The following KCTD10 variants were observed in gnomAD, a reference collection of about 807,000 sequenced individuals.
The protein encoded by KCTD10 is BTB/POZ domain-containing adapter for CUL3-mediated RhoA degradation protein 3.
KCTD10 carries 13 observed loss-of-function variants against 34.6 expected under a neutral mutation model. That is an observed-to-expected ratio of 0.38 (90% CI 0.24 to 0.60). KCTD10 has a LOEUF of 0.60. KCTD10 is among the 20% of genes least tolerant of loss of function. The pLI, the probability that KCTD10 is intolerant of heterozygous loss-of-function variation, is 0.66. For missense variants in KCTD10, 256 were observed against 420.3 expected, an observed-to-expected ratio of 0.61 and a Z score of 3.42; for synonymous variants, 156 against 168.8, an observed-to-expected ratio of 0.92 and a Z score of 0.59.
rs1436600785 is a variant in KCTD10, at chr12:109,451,728, G to T, written c.809C>A (p.Ala270Glu). 3.7e-6 allele frequency: 6 copies of T among 1,614,018 alleles called. No homozygotes were observed. The highest frequency in any genetic ancestry group is 2.2e-5 in the East Asian group (1 of 44,890). ...EAQDGRGPDNALLEATGGAAG... is the reference protein window; with the variant it reads ...EAQDGRGPDNELLEATGGAAG... ...CGCCCCGCCTGTGGCCTCCAGGAGC[G>T]CATTGTCAGGTCCCCGGCCATCCTG... is the stretch of plus-strand genomic sequence containing the variant. The change falls in exon 7 of 7, where the codon GCG (alanine) becomes GAG (glutamate). Residue 270 changes from alanine to glutamate, a missense_variant. Physicochemically the swap from Ala to Glu is moderately radical, Grantham distance 107. This residue lies in a region of KCTD10 where 60 missense variants were observed against 89.0 expected (regional missense o/e 0.67). Coordinates refer to ENST00000228495, the MANE Select transcript of KCTD10 (RefSeq NM_031954.5). This position sits in a 1 kb window ranked among gnomAD's most constrained non-coding sequence, Gnocchi z 5.0.
chr12:109,464,111 C>T (rs12818120), intron 2 of KCTD10, among the ~76,000 whole-genome samples: 25,780 of 152,184 alleles, frequency 0.17, 2,246 homozygotes, highest in African/African-American at 0.18. Context: ...TCCCCTCTCC[C>T]ACCACCTCCA....
chr12:109,469,373 G>T, intron 2 of KCTD10, 142 bp downstream of exon 2: 1 of 936,548 alleles, frequency 1.1e-6, no homozygotes, highest in Non-Finnish European at 1.6e-6. Context: ...GCAAATCAAC[G>T]ACCAAGTCAA....
At chr12:109,452,648 G>A (rs1469325615) in intron 6 of KCTD10, among the ~76,000 whole-genome samples, 1 of 152,174 alleles carries the variant, frequency 6.6e-6, no homozygotes, top group African/African-American at 2.4e-5. Flanking sequence ...GTAAATCATG[G>A]CAGGCAGATG....
intron 1 of KCTD10, among the ~76,000 whole-genome samples, chr12:109,474,144 A>G (rs1053797867): frequency 1.3e-5 from 2 of 151,986 alleles, no homozygotes; most frequent in Non-Finnish European, 2.9e-5. Context: ...CGAACTCCCG[A>G]CCTCAAGTGA....
Position 109,469,613 on chromosome 12 carries a change from C to A in KCTD10, c.119G>T (p.Gly40Val). The A allele has an allele frequency of 8.1e-6, 13 of 1,614,196 alleles. No homozygotes were observed. Among genetic ancestry groups the A allele is most frequent in the Non-Finnish European group, 1.1e-5 (13 of 1,180,038 alleles). Reference protein sequence around the residue: ...SSKYVKLNVGGALYYTTMQTL... With the variant: ...SSKYVKLNVGVALYYTTMQTL... ...CTGCATGGTGGTATAGTAGAGGGCT[C>A]CACCCACATTCAGCTTCACGTATTT... The change falls in exon 2 of 7, where the codon GGA becomes GTA. Residue 40 changes from glycine to valine, a missense_variant. By Grantham distance (109) the Gly-to-Val change is moderately radical. Around this residue, in one of 3 missense-constraint regions of KCTD10, gnomAD observed 155 missense variants for 207.0 expected, o/e 0.75. Coordinates refer to ENST00000228495, the MANE Select transcript of KCTD10 (RefSeq NM_031954.5).
intron 5 of KCTD10, 162 bp downstream of exon 5, chr12:109,457,468 C>A: frequency 1.6e-6 from 1 of 619,254 alleles, no homozygotes. Context: ...TGAATTATAG[C>A]TCAGAGTTAT....
chr12:109,456,959 T>C (rs866063399), intron 5 of KCTD10: 4 of 156,582 alleles, frequency 2.6e-5, no homozygotes, highest in South Asian at 3.8e-4. Flanking sequence ...TTTGCATGAA[T>C]GTTCATAACA....
intron 1 of KCTD10, among the ~76,000 whole-genome samples, chr12:109,474,243 G>C (rs1457982821): frequency 6.6e-6 from 1 of 152,168 alleles, no homozygotes; most frequent in Non-Finnish European, 1.5e-5. Flanking sequence ...TTGTTTCAAA[G>C]GTTTGATTTC....
chr12:109,458,124 C>A (rs1873123886), intron 3 of KCTD10, 46 bp from the exon 4 acceptor site: 4 of 1,509,680 alleles, frequency 2.6e-6, no homozygotes, highest in Non-Finnish European at 3.7e-6. Flanking sequence ...CTGCCTAGCA[C>A]TGCATTTTTA....
chr12:109,451,890 G>C lies in KCTD10; in HGVS notation c.724-77C>G. On this transcript the variant is annotated intron_variant, in intron 6 of 6. Transcript: ENST00000228495. This position sits in a 1 kb window ranked among gnomAD's most constrained non-coding sequence, Gnocchi z 5.0. ...CAACACCTGGACTTTAAGCAGGGCC[G>C]CCAGGCTAAATCAGGCCCCTGGGAT... is the stretch of plus-strand genomic sequence containing the variant. 1.6e-6 allele frequency: 2 copies of C among 1,251,960 alleles called. No individual in the cohort carries two copies. The highest frequency in any genetic ancestry group is 2.0e-4 in the Middle Eastern group (1 of 5,010). 77.6% of individuals were successfully genotyped at this position (1,251,960 alleles called of 1,614,324 possible).
chr12:109,451,899 A>AATCATG lies in KCTD10; in HGVS notation c.724-87_724-86insCATGAT. The AATCATG allele has an allele frequency of 8.9e-7, 1 of 1,121,704 alleles. No homozygotes were observed. Among genetic ancestry groups the AATCATG allele is most frequent in the Non-Finnish European group, 1.2e-6 (1 of 807,946 alleles). 69.5% of individuals were successfully genotyped at this position (1,121,704 alleles called of 1,614,324 possible). A position where few individuals can be genotyped will look rare whatever the true frequency, so the allele number is the denominator to read the frequency against. ...GACTTTAAGCAGGGCCGCCAGGCTA[A>AATCATG]ATCAGGCCCCTGGGATTCTGCTGAA... is the stretch of plus-strand genomic sequence containing the variant. On this transcript the variant is annotated intron_variant, in intron 6 of 6. Coordinates refer to ENST00000228495, the MANE Select transcript of KCTD10 (RefSeq NM_031954.5). The surrounding 1 kb of genome is among the most constrained non-coding windows in gnomAD (Gnocchi z 5.0).
rs1162195270 is a variant in KCTD10, at chr12:109,460,586, G to A, written c.387+50C>T. 1 of 1,558,842 alleles carries A rather than the reference G, an allele frequency of 6.4e-7. No individual in the cohort carries two copies. Among genetic ancestry groups the A allele is most frequent in the Non-Finnish European group, 8.7e-7 (1 of 1,143,156 alleles). On this transcript the variant is annotated intron_variant, in intron 3 of 6. Coordinates refer to ENST00000228495, the MANE Select transcript of KCTD10 (RefSeq NM_031954.5). This position sits in a 1 kb window ranked among gnomAD's most constrained non-coding sequence, Gnocchi z 4.5. ...GCAGAGAGGGAAAATGAGGAAGGCAGGTAGGCTTGGTGCCTCTCCACCCAT... is the reference window on the plus strand; with the variant it reads ...GCAGAGAGGGAAAATGAGGAAGGCAAGTAGGCTTGGTGCCTCTCCACCCAT...
At chr12:109,453,769 A>C (rs1872893648) in intron 6 of KCTD10, among the ~76,000 whole-genome samples, 1 of 152,210 alleles carries the variant, frequency 6.6e-6, no homozygotes, top group South Asian at 2.1e-4. Context: ...AGCTTAGAGA[A>C]CTGCGGAGAA....
At chr12:109,472,704 G>T (rs886295375) in intron 1 of KCTD10, among the ~76,000 whole-genome samples, 7 of 152,162 alleles carry the variant, frequency 4.6e-5, no homozygotes, top group Non-Finnish European at 1.0e-4. Flanking sequence ...CACGTAATAT[G>T]TTGTGCTACC....
intron 2 of KCTD10, among the ~76,000 whole-genome samples, chr12:109,467,456 GA>G (rs1358411342): frequency 6.6e-6 from 1 of 152,034 alleles, no homozygotes; most frequent in Non-Finnish European, 1.5e-5. Context: ...CCCATCTCCA[GA>G]AAAAAATTCT....
At chr12:109,465,004 G>A (rs1873523221) in intron 2 of KCTD10, 1 of 332,196 alleles carries the variant, frequency 3.0e-6, no homozygotes, top group African/African-American at 2.2e-5. Flanking sequence ...GGCTGGGTGG[G>A]ATCTAGGGAG....
At chr12:109,452,285 G>A (rs1872811313) in intron 6 of KCTD10, among the ~76,000 whole-genome samples, 1 of 152,220 alleles carries the variant, frequency 6.6e-6, no homozygotes, top group African/African-American at 2.4e-5. Flanking sequence ...GTGCTAATAT[G>A]CTTCTCCTAA....
rs765097276 is a variant in KCTD10 at position 109,457,982 on chromosome 12, T to C, written c.474+10A>G. ...GCAAAAGAAATTCCACAAGGGTGCCTCCAACATACCTTATTTGAAGTCGCT... is the reference window on the plus strand; with the variant it reads ...GCAAAAGAAATTCCACAAGGGTGCCCCCAACATACCTTATTTGAAGTCGCT... On this transcript the variant is annotated intron_variant, in intron 4 of 6. Coordinates refer to ENST00000228495, the MANE Select transcript of KCTD10 (RefSeq NM_031954.5). The C allele has an allele frequency of 2.5e-6, 4 of 1,607,786 alleles. No homozygotes were observed. The highest frequency in any genetic ancestry group is 1.7e-6 in the Non-Finnish European group (2 of 1,174,280).
Position 109,451,578 on chromosome 12 carries a change from C to A in KCTD10, c.*17G>T. ...AGTGGGGGCGGTGAGAGGAGGGCGG[C>A]TCGGTCTCTTGCCTGCTCACTGGTG... is the stretch of plus-strand genomic sequence containing the variant. On this transcript the variant is annotated 3_prime_UTR_variant, in exon 7 of 7. Transcript: ENST00000228495. This position sits in a 1 kb window ranked among gnomAD's most constrained non-coding sequence, Gnocchi z 5.0. 6.3e-7 allele frequency: 1 copy of A among 1,591,268 alleles called. No individual in the cohort carries two copies. Among genetic ancestry groups the A allele is most frequent in the Non-Finnish European group, 8.6e-7 (1 of 1,168,112 alleles).
Sources: allele counts gnomAD v4.1 joint callset (sites outside exome capture counted in the v4.1 genomes callset), GRCh38; gene constraint gnomAD v4.1.1; regional missense constraint gnomAD v4.1.1; non-coding constraint Gnocchi (gnomAD v3.1); transcripts MANE v1.5; gene names NCBI Gene and HGNC (gene_info 2026-07-23, HGNC 2026-07-21).